MCC: variants seen among roughly 807,000 people sequenced by gnomAD.
MCC encodes colorectal mutant cancer protein.
MCC carries 90 observed loss-of-function variants against 116.2 expected under a neutral mutation model. The ratio of observed to expected loss-of-function variants is 0.77; its 90% CI spans 0.65 to 0.92. The LOEUF is 0.92. Among genes scored for constraint, MCC ranks in the 40% least tolerant of loss-of-function variants. The probability of loss-of-function intolerance (pLI) is 0.00; values close to 1 mark genes in which losing one functional copy is unlikely to be tolerated. For synonymous variants in MCC, 578 were observed against 510.5 expected (o/e 1.13, Z -1.78); for missense variants, 1,516 against 1,312.2 (o/e 1.16, Z -2.40).
At chr5:113,409,550 C>CTT (rs1236617125) in intron 1 of MCC, among the ~76,000 whole-genome samples, 31 of 152,098 alleles carry the variant, frequency 2.0e-4, no homozygotes, top group Admixed American at 9.8e-4. Context: ...TGGGGTCTCA[C>CTT]TATGTAGCCC....
At chr5:113,277,741 CTT>C (rs148037449) in intron 3 of MCC, among the ~76,000 whole-genome samples, 3,353 of 152,244 alleles carry the variant, frequency 0.022, 86 homozygotes, top group African/African-American at 0.062. Context: ...TCATACCACT[CTT>C]TATTTATGTG....
intron 1 of MCC, among the ~76,000 whole-genome samples, chr5:113,441,095 G>A (rs1298729553): frequency 1.3e-5 from 2 of 152,216 alleles, no homozygotes; most frequent in African/African-American, 4.8e-5. Context: ...AACACTTTCG[G>A]AGGCTGAGGC....
intron 17 of MCC, among the ~76,000 whole-genome samples, chr5:113,034,049 G>T (rs1459063010): frequency 6.7e-6 from 1 of 149,090 alleles, no homozygotes; most frequent in Admixed American, 6.9e-5. Context: ...ACCATGCTGG[G>T]CTAATTTTTA....
chr5:113,458,509 C>G (rs1277304809), intron 1 of MCC, among the ~76,000 whole-genome samples: 1 of 152,228 alleles, frequency 6.6e-6, no homozygotes, highest in Non-Finnish European at 1.5e-5. Flanking sequence ...TGGCTTCATT[C>G]TTGAAGTCAG....
rs547133939 is a variant in MCC, at chr5:113,028,815, AGAGT to A, written c.2879+115_2879+118del. On this transcript the variant is annotated intron_variant, in intron 18 of 18. Coordinates refer to ENST00000408903, the MANE Select transcript of MCC (RefSeq NM_001085377.2). ...CCAGGTAGGGACTCACCCACTTTCTAGAGTTAGTTCTTAAGAGTTAGGGAAATGT... is the reference window on the plus strand; with the variant it reads ...CCAGGTAGGGACTCACCCACTTTCTATAGTTCTTAAGAGTTAGGGAAATGT... The A allele has an allele frequency of 8.5e-5, 103 of 1,210,884 alleles. No individual in the cohort carries two copies. In the East Asian group the frequency reaches 1.1e-3, roughly 13 times the overall value. 75.0% of individuals were successfully genotyped at this position (1,210,884 alleles called of 1,614,324 possible).
Position 113,315,693 on chromosome 5 carries a change from C to A in MCC, c.627+24826G>T, listed in dbSNP as rs1486012361. ...TATCAGCCTGGGCAAGATGGCAAAA[C>A]CCCATCTCTACAAAAAAAAAAAAAA... is the stretch of plus-strand genomic sequence containing the variant. On this transcript the variant is annotated intron_variant, in intron 3 of 18. Transcript: ENST00000408903. Among the ~76,000 whole-genome samples, 7 of 122,896 alleles carry A rather than the reference C, an allele frequency of 5.7e-5. No individual in the cohort carries two copies. In the Admixed American group the frequency reaches 6.2e-4, roughly 11 times the overall value. The allele number at this position is 122,896 out of a possible 152,430, so 80.6% of individuals were successfully genotyped here.
intron 3 of MCC, among the ~76,000 whole-genome samples, chr5:113,184,377 T>C (rs1761783211): frequency 6.6e-6 from 1 of 152,202 alleles, no homozygotes; most frequent in East Asian, 1.9e-4. Flanking sequence ...GTTAGAAAGA[T>C]GCTGGAAGAA....
intron 1 of MCC, chr5:113,435,999 GGAA>G (rs1770846278): frequency 2.6e-5 from 4 of 152,436 alleles, no homozygotes; most frequent in African/African-American, 7.2e-5. Flanking sequence ...CACACCGTCA[GGAA>G]GAAGGAGTTG....
intron 3 of MCC, among the ~76,000 whole-genome samples, chr5:113,244,491 T>C (rs1015776788): frequency 2.6e-5 from 4 of 152,236 alleles, no homozygotes; most frequent in Non-Finnish European, 5.9e-5. Context: ...CTATACATTA[T>C]GAAACTTTAG....
intron 3 of MCC, among the ~76,000 whole-genome samples, chr5:113,157,923 T>C (rs890910602): frequency 1.3e-5 from 2 of 152,222 alleles, no homozygotes; most frequent in Non-Finnish European, 2.9e-5. Context: ...TTCGGGCCAT[T>C]ATGATGTAAA....
chr5:113,400,083 T>C (rs969756596), intron 1 of MCC: 51 of 151,536 alleles, frequency 3.4e-4, no homozygotes, highest in Middle Eastern at 3.4e-3. Flanking sequence ...ATATTCTTAC[T>C]CTTTATTGTT....
chr5:113,359,973 G>A (rs1014479307), intron 2 of MCC, among the ~76,000 whole-genome samples: 3 of 152,100 alleles, frequency 2.0e-5, no homozygotes, highest in Non-Finnish European at 4.4e-5. Context: ...CATATTAATG[G>A]AAGCCATGTA....
At chr5:113,070,664 A>C (rs918727969) in intron 12 of MCC, among the ~76,000 whole-genome samples, 39 of 152,218 alleles carry the variant, frequency 2.6e-4, no homozygotes, top group African/African-American at 8.9e-4. Context: ...AAAGTGAATA[A>C]ATTAACAATA....
chr5:113,234,362 C>A (rs1409898456), intron 3 of MCC: 3 of 151,910 alleles, frequency 2.0e-5, no homozygotes, highest in African/African-American at 7.3e-5. Flanking sequence ...TTAATAAAAT[C>A]AAGGGTCATG....
chr5:113,157,760 C>T (rs750525898), intron 3 of MCC, among the ~76,000 whole-genome samples: 13 of 152,200 alleles, frequency 8.5e-5, no homozygotes, highest in Admixed American at 1.3e-4. Flanking sequence ...CTGCAGTGGA[C>T]GCCTGAAACC....
chr5:113,195,901 G>A (rs1762381795), intron 3 of MCC, among the ~76,000 whole-genome samples: 1 of 152,084 alleles, frequency 6.6e-6, no homozygotes, highest in Admixed American at 6.5e-5. Context: ...TGTGGGTCAT[G>A]GTGGTCAAGT....
chr5:113,354,868 T>G (rs1400927086), intron 2 of MCC, among the ~76,000 whole-genome samples: 1 of 151,036 alleles, frequency 6.6e-6, no homozygotes, highest in Non-Finnish European at 1.5e-5. Context: ...TGCAAGAATG[T>G]GGCAATAGCA....
chr5:113,233,236 G>A (rs138048749), intron 3 of MCC, among the ~76,000 whole-genome samples: 28 of 152,154 alleles, frequency 1.8e-4, no homozygotes, highest in African/African-American at 5.1e-4. Flanking sequence ...AAGTTATATC[G>A]GCAAATGTAT....
At chr5:113,402,938 A>G (rs1769734375) in intron 1 of MCC, among the ~76,000 whole-genome samples, 1 of 152,158 alleles carries the variant, frequency 6.6e-6, no homozygotes, top group Non-Finnish European at 1.5e-5. Context: ...TAATTTGTTT[A>G]AAAATTTATT....
Sources: allele counts gnomAD v4.1 joint callset (sites outside exome capture counted in the v4.1 genomes callset), GRCh38; gene constraint gnomAD v4.1.1; transcripts MANE v1.5; gene names NCBI Gene and HGNC (gene_info 2026-07-23, HGNC 2026-07-21).